Variants in SH3RF1 observed in about 807,000 individuals in gnomAD.
SH3RF1 encodes E3 ubiquitin-protein ligase SH3RF1.
A neutral mutation model predicts 74.0 loss-of-function variants in SH3RF1; 32 were observed. The ratio of observed to expected loss-of-function variants is 0.43; its 90% CI spans 0.33 to 0.58. The LOEUF (loss-of-function observed/expected upper bound fraction) is 0.58, where lower values mean the gene tolerates loss of function less well. Ranked by LOEUF, SH3RF1 falls within the 20% of genes least tolerant of loss-of-function variation. The pLI, the probability that SH3RF1 is intolerant of heterozygous loss-of-function variation, is 0.05. For missense variants in SH3RF1, 954 were observed against 1,130.9 expected (o/e 0.84, Z 2.24); for synonymous variants, 396 against 439.6 (o/e 0.90, Z 1.24).
At position 169,237,878 on chromosome 4, in the gene SH3RF1, C is replaced by T. The variant is rs115469794; in HGVS notation, c.393+30942G>A. 3.8e-3 allele frequency among the ~76,000 whole-genome samples: 582 copies of T among 152,088 alleles called. 10 individuals are homozygous for T. Among genetic ancestry groups the T allele is most frequent in the African/African-American group, 0.012 (489 of 41,472 alleles). ...CTAAATCAATTTATGATTTCCCCCC[C>T]GCTCCACACCCTTGAAATCTGATCA... On this transcript the variant is annotated intron_variant, in intron 2 of 11. Transcript: ENST00000284637.
chr4:169,267,393 G>A (rs941899445), intron 2 of SH3RF1, among the ~76,000 whole-genome samples: 1 of 152,200 alleles, frequency 6.6e-6, no homozygotes, highest in Admixed American at 6.5e-5. Context: ...TACATCAGGT[G>A]TCTCAGAAAT....
At chr4:169,158,526 T>A (rs1458107852) in intron 2 of SH3RF1, among the ~76,000 whole-genome samples, 1 of 152,228 alleles carries the variant, frequency 6.6e-6, no homozygotes, top group Non-Finnish European at 1.5e-5. Flanking sequence ...CTGGTAATGG[T>A]AAGTCATTTC....
intron 2 of SH3RF1, among the ~76,000 whole-genome samples, chr4:169,212,344 G>A (rs1165765320): frequency 2.0e-5 from 3 of 151,984 alleles, no homozygotes; most frequent in Non-Finnish European, 2.9e-5. Context: ...GATTACAGGC[G>A]TGAGCCACCG....
intron 2 of SH3RF1, among the ~76,000 whole-genome samples, chr4:169,228,920 T>TA (rs1009572109): frequency 6.6e-6 from 1 of 151,854 alleles, no homozygotes; most frequent in African/African-American, 2.4e-5. Flanking sequence ...AATTTTACTT[T>TA]AAAAAAACAA....
At chr4:169,170,866 C>T (rs529463703) in intron 2 of SH3RF1, among the ~76,000 whole-genome samples, 3 of 151,992 alleles carry the variant, frequency 2.0e-5, no homozygotes, top group Non-Finnish European at 2.9e-5. Flanking sequence ...TTCAGAGATA[C>T]GGAAAACAGC....
intron 2 of SH3RF1, among the ~76,000 whole-genome samples, chr4:169,211,330 G>A (rs2706753): frequency 0.94 from 143,350 of 152,072 alleles, 68,135 homozygotes; most frequent in East Asian, 1. Flanking sequence ...AAAATATAAA[G>A]AATTAGCTGG....
chr4:169,116,576 T>G lies in SH3RF1; in HGVS notation c.1832A>C (p.Gln611Pro). The G allele has an allele frequency of 6.3e-7, 1 of 1,588,416 alleles. No homozygotes were observed. Among genetic ancestry groups the G allele is most frequent in the South Asian group, 1.2e-5 (1 of 86,838 alleles). The change falls in exon 10 of 12, where the codon CAG (glutamine) becomes CCG (proline). Residue 611 changes from glutamine to proline, a missense_variant. By Grantham distance (76) the Gln-to-Pro change is moderately conservative. Transcript: ENST00000284637. The stretch of plus-strand genomic sequence containing the variant: ...TGCAGGGCTGAGGCCGGCGGCATTC[T>G]GTACCTGGATGGGTGTCACTGCTGC... ...PTAAVTPIQV[Q>P]NAAGLSPASV...
chr4:169,161,168 T>C (rs1318881981), intron 2 of SH3RF1, among the ~76,000 whole-genome samples: 2 of 152,268 alleles, frequency 1.3e-5, no homozygotes, highest in Admixed American at 6.5e-5. Flanking sequence ...AAACCGACTC[T>C]GCAGTCTAAC....
chr4:169,179,706 T>C (rs933425971), intron 2 of SH3RF1, among the ~76,000 whole-genome samples: 1 of 152,194 alleles, frequency 6.6e-6, no homozygotes, highest in Non-Finnish European at 1.5e-5. Flanking sequence ...GCGCAAACTT[T>C]GAGTAAGTTC....
intron 1 of SH3RF1, 49 bp from the exon 2 acceptor site, chr4:169,269,356 T>C (rs564109483): frequency 2.5e-6 from 2 of 786,346 alleles, no homozygotes; most frequent in African/African-American, 2.9e-5. Context: ...TGTTGTTATC[T>C]AGGGAAAAAG....
intron 2 of SH3RF1, 81 bp downstream of exon 2, chr4:169,268,739 G>A (rs761427922): frequency 1.4e-5 from 21 of 1,469,490 alleles, no homozygotes; most frequent in Non-Finnish European, 1.7e-5. Flanking sequence ...AGTTGACTTC[G>A]AAAACACCAA....
In SH3RF1 at chr4:169,136,590, A is replaced by G. The variant is rs753513105; in HGVS notation, c.796T>C (p.Trp266Arg). The G allele has an allele frequency of 1.3e-6, 2 of 1,555,494 alleles. No homozygotes were observed. The highest frequency in any genetic ancestry group is 2.3e-5 in the East Asian group (1 of 42,904). Residue 266 changes from tryptophan (W) to arginine (R), a missense_variant, in exon 5 of 12, where the codon TGG (tryptophan) becomes CGG (arginine). Around this residue, in one of 3 missense-constraint regions of SH3RF1, gnomAD observed 854 missense variants for 962.5 expected, o/e 0.89. Transcript: ENST00000284637. Reference protein sequence around the residue: ...FNSAAKQLIEWDKPPVPGVDA... With the variant: ...FNSAAKQLIERDKPPVPGVDA... The stretch of plus-strand genomic sequence containing the variant: ...ACTCCTGGCACAGGAGGCTTATCCC[A>G]TTCTATCAGCTGCTTAGCAGCCGAG...
chr4:169,235,963 G>A (rs936994012), intron 2 of SH3RF1, among the ~76,000 whole-genome samples: 8 of 152,352 alleles, frequency 5.3e-5, no homozygotes, highest in Middle Eastern at 3.4e-3. Flanking sequence ...TTATAGGCGT[G>A]AGCCACCGTG....
intron 2 of SH3RF1, among the ~76,000 whole-genome samples, chr4:169,228,268 G>A (rs1460738847): frequency 1.3e-5 from 2 of 152,208 alleles, no homozygotes; most frequent in Non-Finnish European, 2.9e-5. Context: ...CACAGCTGCT[G>A]TAACAAATTA....
At chr4:169,174,982 C>T (rs559733754) in intron 2 of SH3RF1, among the ~76,000 whole-genome samples, 121 of 152,280 alleles carry the variant, frequency 7.9e-4, no homozygotes, top group Non-Finnish European at 9.0e-4. Context: ...CCAAAACAGA[C>T]CTCTTGGTTT....
At chr4:169,208,291 T>C (rs1000213223) in intron 2 of SH3RF1, among the ~76,000 whole-genome samples, 2 of 152,034 alleles carry the variant, frequency 1.3e-5, no homozygotes, top group African/African-American at 2.4e-5. Flanking sequence ...TTATCTTCTA[T>C]AGGAATTTCA....
intron 3 of SH3RF1, 149 bp from the exon 4 acceptor site, chr4:169,155,724 T>C (rs1734039531): frequency 3.1e-6 from 2 of 641,096 alleles, no homozygotes; most frequent in Non-Finnish European, 2.7e-6. Context: ...ATGGATTAAA[T>C]GTTTTCATGA....
intron 2 of SH3RF1, among the ~76,000 whole-genome samples, chr4:169,261,574 A>T (rs1175799623): frequency 6.6e-6 from 1 of 150,916 alleles, no homozygotes; most frequent in Non-Finnish European, 1.5e-5. Flanking sequence ...CTCCAACTGC[A>T]CTCCAACCTG....
intron 2 of SH3RF1, among the ~76,000 whole-genome samples, chr4:169,263,657 G>A (rs1382785553): frequency 6.6e-6 from 1 of 152,158 alleles, no homozygotes; most frequent in Non-Finnish European, 1.5e-5. Flanking sequence ...GCCCTGGAAA[G>A]CACCAAGTAA....
Sources: allele counts gnomAD v4.1 joint callset (sites outside exome capture counted in the v4.1 genomes callset), GRCh38; gene constraint gnomAD v4.1.1; regional missense constraint gnomAD v4.1.1; transcripts MANE v1.5; gene names NCBI Gene and HGNC (gene_info 2026-07-23, HGNC 2026-07-21).